CHRM3: variants seen among roughly 807,000 people sequenced by gnomAD.
The protein encoded by CHRM3 is muscarinic acetylcholine receptor M3.
Under a neutral mutation model 41.8 loss-of-function variants are expected in CHRM3, and 11 were observed. That is an observed-to-expected ratio of 0.26 (90% CI 0.17 to 0.44). The LOEUF (loss-of-function observed/expected upper bound fraction) is 0.44, where lower values mean the gene tolerates loss of function less well. Ranked by LOEUF, CHRM3 falls within the 20% of genes least tolerant of loss-of-function variation. The pLI, the probability that CHRM3 is intolerant of heterozygous loss-of-function variation, is 1.00. For missense variants in CHRM3, 571 were observed against 745.4 expected (o/e 0.77, Z 2.72); for synonymous variants, 297 against 301.4 (o/e 0.99, Z 0.15).
chr1:239,753,954 G>C (rs1666042108), intron 5 of CHRM3, among the ~76,000 whole-genome samples: 1 of 152,154 alleles, frequency 6.6e-6, no homozygotes, highest in African/African-American at 2.4e-5. Context: ...ATTTCCGTTT[G>C]ATTGTAGAAG....
At chr1:239,614,228 C>T (rs1210939729) in intron 3 of CHRM3, among the ~76,000 whole-genome samples, 1 of 152,080 alleles carries the variant, frequency 6.6e-6, no homozygotes, top group African/African-American at 2.4e-5. Flanking sequence ...AAGAGAAAAA[C>T]AAAAGAGCAG....
At chr1:239,524,608 G>A (rs1211931404) in intron 2 of CHRM3, among the ~76,000 whole-genome samples, 3 of 152,038 alleles carry the variant, frequency 2.0e-5, no homozygotes, top group Non-Finnish European at 4.4e-5. Flanking sequence ...TATAACCTGA[G>A]CATGAAAACC....
At chr1:239,874,326 T>TATATATATATATACAC (rs1327295792) in intron 6 of CHRM3, among the ~76,000 whole-genome samples, 6 of 121,986 alleles carry the variant, frequency 4.9e-5, no homozygotes, top group African/African-American at 1.8e-4. Flanking sequence ...TATATATATA[T>TATATATATATATACAC]ACACAGTTGA....
intron 4 of CHRM3, among the ~76,000 whole-genome samples, chr1:239,642,694 C>T (rs1222708473): frequency 2.0e-5 from 3 of 152,128 alleles, no homozygotes; most frequent in South Asian, 2.1e-4. Context: ...TTTTTAACTT[C>T]TTTGCCTTTG....
chr1:239,655,393 C>T (rs1022966064), intron 4 of CHRM3, among the ~76,000 whole-genome samples: 3 of 152,212 alleles, frequency 2.0e-5, no homozygotes, highest in African/African-American at 4.8e-5. Context: ...GCATCAAAAA[C>T]TTTAGTCTCT....
intron 3 of CHRM3, among the ~76,000 whole-genome samples, chr1:239,606,813 T>C (rs1017197843): frequency 2.8e-4 from 43 of 152,252 alleles, no homozygotes; most frequent in African/African-American, 9.9e-4. Flanking sequence ...TAACTTTAAA[T>C]TCTAATGGAA....
In CHRM3 at chr1:239,628,784, G is replaced by A. The variant is rs1168351771; in HGVS notation, c.-312-3440G>A. 6.0e-5 allele frequency among the ~76,000 whole-genome samples: 3 copies of A among 50,144 alleles called. No homozygotes were observed. In the East Asian group the frequency reaches 2.0e-3, roughly 33 times the overall value. The allele number at this position is 50,144 out of a possible 152,430, so 32.9% of individuals were successfully genotyped here. On this transcript the variant is annotated intron_variant, in intron 3 of 6. Transcript: ENST00000676153. Reference sequence around the variant, plus strand: ...CCGTGTGAGGTGTCAGTGTGCCCCTGCTGGGGGGTGCCTCCCAGTTAGGCT... The same window carrying A: ...CCGTGTGAGGTGTCAGTGTGCCCCTACTGGGGGGTGCCTCCCAGTTAGGCT...
chr1:239,904,708 T>A (rs1373609143), intron 6 of CHRM3, among the ~76,000 whole-genome samples: 1 of 152,144 alleles, frequency 6.6e-6, no homozygotes, highest in Non-Finnish European at 1.5e-5. Flanking sequence ...AAGAGAATAG[T>A]CTTGTCAATT....
At chr1:239,879,683 C>A (rs1408697855) in intron 6 of CHRM3, among the ~76,000 whole-genome samples, 1 of 152,164 alleles carries the variant, frequency 6.6e-6, no homozygotes, top group Admixed American at 6.5e-5. Context: ...GCAATGAAAG[C>A]AAGAGAGGAG....
At chr1:239,835,020 A>G (rs1275738021) in intron 6 of CHRM3, among the ~76,000 whole-genome samples, 3 of 152,220 alleles carry the variant, frequency 2.0e-5, no homozygotes, top group African/African-American at 7.2e-5. Context: ...GTTCATTTTC[A>G]TTACTTGGAG....
chr1:239,604,084 T>C (rs2148706562), intron 3 of CHRM3, among the ~76,000 whole-genome samples: 1 of 152,316 alleles, frequency 6.6e-6, no homozygotes, highest in African/African-American at 2.4e-5. Flanking sequence ...TTTCCTTGTG[T>C]AAATCATTTT....
intron 6 of CHRM3, among the ~76,000 whole-genome samples, chr1:239,865,543 G>C (rs923038852): frequency 2.0e-5 from 3 of 152,192 alleles, no homozygotes; most frequent in Non-Finnish European, 2.9e-5. Flanking sequence ...GAGGGGCCCT[G>C]TCAGAAGCAG....
At chr1:239,871,442 G>C (rs904686102) in intron 6 of CHRM3, among the ~76,000 whole-genome samples, 3 of 152,038 alleles carry the variant, frequency 2.0e-5, no homozygotes, top group African/African-American at 7.2e-5. Flanking sequence ...AGGTTTCACT[G>C]TGTTGGCCAG....
At chr1:239,483,477 G>A (rs1212822304) in intron 1 of CHRM3, among the ~76,000 whole-genome samples, 1 of 152,208 alleles carries the variant, frequency 6.6e-6, no homozygotes, top group Non-Finnish European at 1.5e-5. Context: ...TAAGATGGTT[G>A]TCCCTCCAAA....
intron 1 of CHRM3, among the ~76,000 whole-genome samples, chr1:239,432,066 C>T (rs1558219009): frequency 1.3e-5 from 2 of 152,014 alleles, no homozygotes; most frequent in Admixed American, 6.6e-5. Flanking sequence ...TGAGGGTAGT[C>T]GTGAAGTCTC....
chr1:239,408,368 A>G (rs1357210988), intron 1 of CHRM3: 1 of 152,092 alleles, frequency 6.6e-6, no homozygotes, highest in Non-Finnish European at 1.5e-5. Context: ...AAAAAAATAC[A>G]AAAGAATTAG....
intron 3 of CHRM3, among the ~76,000 whole-genome samples, chr1:239,604,607 G>A (rs185809647): frequency 1.4e-4 from 21 of 152,254 alleles, no homozygotes; most frequent in African/African-American, 2.2e-4. Context: ...ACTGCCCTCC[G>A]TAATGGACAG....
chr1:239,813,873 C>T (rs957499444), intron 5 of CHRM3, among the ~76,000 whole-genome samples: 1 of 138,528 alleles, frequency 7.2e-6, no homozygotes, highest in Non-Finnish European at 1.5e-5. Flanking sequence ...GCCGAGATCC[C>T]GCCACTGCAC....
intron 4 of CHRM3, among the ~76,000 whole-genome samples, chr1:239,642,237 A>G (rs971614491): frequency 1.1e-4 from 16 of 149,620 alleles, no homozygotes; most frequent in Non-Finnish European, 1.6e-4. Flanking sequence ...TCTGACAATT[A>G]TGTGTCTTGG....
Sources: allele counts gnomAD v4.1 joint callset (sites outside exome capture counted in the v4.1 genomes callset), GRCh38; gene constraint gnomAD v4.1.1; transcripts MANE v1.5; gene names NCBI Gene and HGNC (gene_info 2026-07-23, HGNC 2026-07-21).